The following ATAD3B variants were observed in gnomAD, a reference collection of about 807,000 sequenced individuals.
The protein encoded by ATAD3B is ATPase family AAA domain containing 3B.
ATAD3B carries 59 observed loss-of-function variants against 70.2 expected under a neutral mutation model. That is an observed-to-expected ratio of 0.84 (90% CI 0.68 to 1.04). ATAD3B has a LOEUF of 1.04. Among genes scored for constraint, ATAD3B ranks in the 50% least tolerant of loss-of-function variants. The pLI, the probability that ATAD3B is intolerant of heterozygous loss-of-function variation, is 0.00. For synonymous variants in ATAD3B, 423 were observed against 388.6 expected (o/e 1.09, Z -1.04); for missense variants, 961 against 913.4 (o/e 1.05, Z -0.67).
chr1:1,482,900 C>A (rs1461147297), intron 7 of ATAD3B: 1 of 521,050 alleles, frequency 1.9e-6, no homozygotes, highest in Non-Finnish European at 3.6e-6. Context: ...ACTCGAGAGG[C>A]TGAGGTAGGA....
At position 1,482,597 on chromosome 1, in the gene ATAD3B, G is replaced by T. The variant is rs778811520; in HGVS notation, c.733G>T (p.Asp245Tyr). 3 of 1,613,342 alleles carry T rather than the reference G, an allele frequency of 1.9e-6. No homozygotes were observed. Among genetic ancestry groups the T allele is most frequent in the South Asian group, 1.1e-5 (1 of 90,978 alleles). Reference sequence around the variant, plus strand: ...ATTCCGTGCCTTTGTGACAGACCGGGACAAAGTGACAGCCACGGTAAACAT... The same window carrying T: ...ATTCCGTGCCTTTGTGACAGACCGGTACAAAGTGACAGCCACGGTAAACAT... ...EGFRAFVTDR[D>Y]KVTATVAGLT... is the part of the protein sequence containing the mutation. The change falls in exon 7 of 16, where the codon GAC (aspartate) becomes TAC (tyrosine). Residue 245 changes from aspartate (D) to tyrosine (Y), a missense_variant. By Grantham distance (160) the Asp-to-Tyr change is radical. Coordinates refer to ENST00000673477, the MANE Select transcript of ATAD3B (RefSeq NM_031921.6).
At chr1:1,495,195 A>T (rs554974109) in intron 15 of ATAD3B, among the ~76,000 whole-genome samples, 1 of 152,088 alleles carries the variant, frequency 6.6e-6, no homozygotes, top group South Asian at 2.1e-4. Flanking sequence ...TGCCTCTCGG[A>T]AGCTGCCCTG....
chr1:1,501,653 A>C (rs1347677492), downstream of ATAD3B, among the ~76,000 whole-genome samples: 2 of 151,926 alleles, frequency 1.3e-5, no homozygotes, highest in Admixed American at 6.6e-5. Flanking sequence ...AGCCTCCCAG[A>C]GTGCAGGGAT....
At position 1,495,724 on chromosome 1, in the gene ATAD3B, G is replaced by A. The variant is rs754236762; in HGVS notation, c.1854G>A (p.Trp618Ter). 1 of 1,613,350 alleles carries A rather than the reference G, an allele frequency of 6.2e-7. No homozygotes were observed. The highest frequency in any genetic ancestry group is 1.1e-5 in the South Asian group (1 of 91,024). ...AGPCTFRICS[W>*]MGTGLCPGPL... ...CCTGCACATTTAGGATATGCTCCTG[G>A]ATGGGGACTGGGCTGTGCCCAGGGC... is the stretch of plus-strand genomic sequence containing the variant. Residue 618 changes from tryptophan (W) to a stop codon, truncating the protein, a stop_gained, in exon 16 of 16, where the codon TGG (tryptophan) becomes TGA (stop). Transcript: ENST00000673477. LOFTEE classifies it low-confidence loss of function (END_TRUNC).
chr1:1,498,463 A>G (rs1409695052), downstream of ATAD3B, among the ~76,000 whole-genome samples: 1 of 151,928 alleles, frequency 6.6e-6, no homozygotes, highest in Non-Finnish European at 1.5e-5. Flanking sequence ...CCTGTCTCAA[A>G]ATAAATTAAA....
chr1:1,509,099 A>C, the ATAD3B span: 3 of 1,472,662 alleles, frequency 2.0e-6, no homozygotes, highest in Non-Finnish European at 2.7e-6. Flanking sequence ...CGCTCAGGCC[A>C]TCCTGGAGCC....
downstream of ATAD3B, among the ~76,000 whole-genome samples, chr1:1,501,127 C>T (rs1408846644): frequency 9.9e-5 from 15 of 152,046 alleles, 1 homozygote; most frequent in African/African-American, 3.6e-4. Context: ...CTTACTCTGT[C>T]GCCCAGGCTG....
chr1:1,508,225 C>T, the ATAD3B span, among the ~76,000 whole-genome samples: 1 of 151,322 alleles, frequency 6.6e-6, no homozygotes. Context: ...CTCCTGCGCT[C>T]CTGGGCCCCT....
chr1:1,500,073 A>G (rs1404777439), downstream of ATAD3B, among the ~76,000 whole-genome samples: 2 of 144,978 alleles, frequency 1.4e-5, no homozygotes, highest in African/African-American at 5.1e-5. Flanking sequence ...AAGTTTTTGT[A>G]TTTTAGTAGA....
rs1484539705 is a variant in ATAD3B at position 1,496,619 on chromosome 1, G to A, written c.*802G>A. 1 of 152,044 alleles carries A rather than the reference G, an allele frequency of 6.6e-6. No individual in the cohort carries two copies. Among genetic ancestry groups the A allele is most frequent in the African/African-American group, 2.4e-5 (1 of 41,244 alleles). 9.4% of individuals were successfully genotyped at this position (152,044 alleles called of 1,614,324 possible). A position where few individuals can be genotyped will look rare whatever the true frequency, so the allele number is the denominator to read the frequency against. ...CACTGGGGGCCACAGGCCACACTGG[G>A]AGACCACAGTCCTGGCATGCCATGC... is the stretch of plus-strand genomic sequence containing the variant. On this transcript the variant is annotated 3_prime_UTR_variant, in exon 16 of 16. Transcript: ENST00000673477.
chr1:1,486,223 G>T lies in ATAD3B; in HGVS notation c.1077G>T (p.Thr359=). Residue 359 remains threonine (T), a synonymous_variant, in exon 10 of 16, where the codon ACG becomes ACT. Coordinates refer to ENST00000673477, the MANE Select transcript of ATAD3B (RefSeq NM_031921.6). ...LLYGPPGTGK[T]LFAKKLALHS... ...ATGGGCCACCAGGCACCGGGAAGAC[G>T]CTGTTTGCCAAGGTGAGAGCGCCTG... The T allele has an allele frequency of 4.3e-6, 7 of 1,612,970 alleles. 1 individual carries two copies. Among genetic ancestry groups the T allele is most frequent in the Non-Finnish European group, 5.9e-6 (7 of 1,179,628 alleles).
chr1:1,488,790 A>G (rs1449087804), intron 12 of ATAD3B, among the ~76,000 whole-genome samples: 1 of 151,586 alleles, frequency 6.6e-6, no homozygotes, highest in African/African-American at 2.4e-5. Context: ...GATCGCCTTG[A>G]CCTTCTGAAG....
downstream of ATAD3B, among the ~76,000 whole-genome samples, chr1:1,501,547 GC>G (rs1289254782): frequency 6.6e-6 from 1 of 152,024 alleles, no homozygotes; most frequent in East Asian, 1.9e-4. Context: ...GAGCCACCGT[GC>G]CCGGCCTAAT....
chr1:1,480,715 C>A, intron 4 of ATAD3B, 152 bp from the exon 5 acceptor site: 1 of 1,423,238 alleles, frequency 7.0e-7, no homozygotes, highest in Non-Finnish European at 9.3e-7. Flanking sequence ...CCGATGTCAC[C>A]CGTGTCTGTG....
the ATAD3B span, among the ~76,000 whole-genome samples, chr1:1,505,044 G>C: frequency 6.6e-6 from 1 of 152,284 alleles, no homozygotes; most frequent in South Asian, 2.1e-4. Flanking sequence ...AAAGACACAA[G>C]ACAGAGATAA....
chr1:1,491,828 G>A (rs1268818984), intron 15 of ATAD3B, among the ~76,000 whole-genome samples: 2 of 151,946 alleles, frequency 1.3e-5, no homozygotes, highest in Non-Finnish European at 2.9e-5. Context: ...CCGTCCTTGT[G>A]GGTCAGCTGA....
intron 1 of ATAD3B, among the ~76,000 whole-genome samples, chr1:1,474,447 C>T (rs564860631): frequency 6.6e-6 from 1 of 151,824 alleles, no homozygotes; most frequent in African/African-American, 2.4e-5. Flanking sequence ...GCCTCGGCCA[C>T]CCAAAGTGCT....
rs767143072 is a variant in ATAD3B at position 1,487,925 on chromosome 1, C to G, written c.1266+11C>G. ...CGGAAGCGAGCCACTGTGAGTGTCA[C>G]TAAGCCTCTGTCTGGCCACAGGAGG... is the stretch of plus-strand genomic sequence containing the variant. On this transcript the variant is annotated intron_variant, in intron 12 of 15. Transcript: ENST00000673477. 9 of 1,612,884 alleles carry G rather than the reference C, an allele frequency of 5.6e-6. No individual in the cohort carries two copies. Among genetic ancestry groups the G allele is most frequent in the Non-Finnish European group, 7.6e-6 (9 of 1,179,322 alleles).
At chr1:1,486,022 G>A in intron 9 of ATAD3B, 88 bp from the exon 10 acceptor site, 1 of 1,602,808 alleles carries the variant, frequency 6.2e-7, no homozygotes, top group South Asian at 1.1e-5. Context: ...GAGGAGCAGA[G>A]TCCGCACCCG....
Sources: allele counts gnomAD v4.1 joint callset (sites outside exome capture counted in the v4.1 genomes callset), GRCh38; gene constraint gnomAD v4.1.1; transcripts MANE v1.5; gene names NCBI Gene and HGNC (gene_info 2026-07-23, HGNC 2026-07-21).